NALF1: variants seen among roughly 807,000 people sequenced by gnomAD.
The protein encoded by NALF1 is NALCN channel auxiliary factor 1.
A neutral mutation model predicts 48.4 loss-of-function variants in NALF1; 3 were observed. The ratio of observed to expected loss-of-function variants is 0.06; its 90% CI spans 0.03 to 0.16. NALF1 has a LOEUF of 0.16. Among genes scored for constraint, NALF1 ranks in the 10% least tolerant of loss-of-function variants. The pLI is 1.00. For missense variants in NALF1, 526 were observed against 571.5 expected (o/e 0.92, Z 0.81); for synonymous variants, 262 against 245.7 (o/e 1.07, Z -0.62).
intron 1 of NALF1, among the ~76,000 whole-genome samples, chr13:107,718,707 TACTC>T (rs951307392): frequency 3.3e-5 from 5 of 152,170 alleles, no homozygotes; most frequent in Admixed American, 1.3e-4. Flanking sequence ...TCAATGGACT[TACTC>T]AACAAATACT....
intron 1 of NALF1, among the ~76,000 whole-genome samples, chr13:107,392,235 C>A (rs1883638771): frequency 6.6e-6 from 1 of 152,060 alleles, no homozygotes; most frequent in African/African-American, 2.4e-5. Flanking sequence ...TTTGTGCAAT[C>A]TTCAGAGATT....
At chr13:107,319,085 A>G (rs1882205017) in intron 1 of NALF1, among the ~76,000 whole-genome samples, 1 of 152,048 alleles carries the variant, frequency 6.6e-6, no homozygotes, top group African/African-American at 2.4e-5. Flanking sequence ...GTGCTCAAAG[A>G]TGGAGGCAGG....
rs576491175 is a variant in NALF1 at position 107,373,712 on chromosome 13, C to T, written c.916-162957G>A. On this transcript the variant is annotated intron_variant, in intron 1 of 2. Transcript: ENST00000375915. Reference sequence around the variant, plus strand: ...CCACAAGAGGGCAACACTATCATCTCTTTCTTTTTCTTTTCTTTCTTTCCT... The same window carrying T: ...CCACAAGAGGGCAACACTATCATCTTTTTCTTTTTCTTTTCTTTCTTTCCT... 3.3e-5 allele frequency among the ~76,000 whole-genome samples: 5 copies of T among 152,314 alleles called. No homozygotes were observed. In the South Asian group the frequency reaches 1.0e-3, roughly 32 times the overall value.
chr13:107,465,388 CA>C (rs1194692680), intron 1 of NALF1, among the ~76,000 whole-genome samples: 10 of 151,328 alleles, frequency 6.6e-5, no homozygotes, highest in South Asian at 2.1e-4. Flanking sequence ...AAAGTTTATA[CA>C]ATTTTTTTTA....
intron 1 of NALF1, among the ~76,000 whole-genome samples, chr13:107,836,393 G>A (rs1879889497): frequency 6.6e-6 from 1 of 152,080 alleles, no homozygotes; most frequent in Admixed American, 6.6e-5. Context: ...GATACAAAAG[G>A]CACTTAGGAG....
intron 1 of NALF1, among the ~76,000 whole-genome samples, chr13:107,289,996 G>T (rs1209847777): frequency 6.6e-6 from 1 of 152,084 alleles, no homozygotes; most frequent in Admixed American, 6.6e-5. Context: ...AGGGTGGCAG[G>T]TAACAGGATG....
intron 1 of NALF1, among the ~76,000 whole-genome samples, chr13:107,457,003 T>C (rs757786070): frequency 6.6e-6 from 1 of 152,150 alleles, no homozygotes; most frequent in Non-Finnish European, 1.5e-5. Flanking sequence ...ATGACATTCA[T>C]ATGGCATCTG....
intron 1 of NALF1, among the ~76,000 whole-genome samples, chr13:107,410,846 C>T (rs1883977570): frequency 6.6e-6 from 1 of 152,152 alleles, no homozygotes; most frequent in African/African-American, 2.4e-5. Flanking sequence ...GAGCTACAAC[C>T]TCTGTCTGAA....
chr13:107,466,065 A>T (rs544654240), intron 1 of NALF1: 2 of 152,758 alleles, frequency 1.3e-5, no homozygotes, highest in Admixed American at 1.3e-4. Flanking sequence ...GGTGAAAGGC[A>T]CGTCTCACAT....
chr13:107,856,610 CT>C (rs1880446167), intron 1 of NALF1, among the ~76,000 whole-genome samples: 2 of 151,960 alleles, frequency 1.3e-5, no homozygotes, highest in African/African-American at 4.8e-5. Context: ...GCAAGCTTTC[CT>C]TTTTAAAATC....
chr13:107,492,047 T>G (rs1169195854), intron 1 of NALF1, among the ~76,000 whole-genome samples: 1 of 144,918 alleles, frequency 6.9e-6, no homozygotes, highest in South Asian at 2.3e-4. Context: ...TTTTTGTTTT[T>G]TTTTTTTTTT....
chr13:107,179,686 A>AC (rs1879022490), intron 2 of NALF1, among the ~76,000 whole-genome samples: 1 of 150,420 alleles, frequency 6.6e-6, no homozygotes, highest in African/African-American at 2.5e-5. Flanking sequence ...AAAAAAAAAA[A>AC]CCACAGCAGA....
chr13:107,174,113 G>T (rs1878861888), intron 2 of NALF1, among the ~76,000 whole-genome samples: 1 of 151,842 alleles, frequency 6.6e-6, no homozygotes. Flanking sequence ...TTTGGGGTAC[G>T]CTTATTTGTT....
intron 1 of NALF1, among the ~76,000 whole-genome samples, chr13:107,402,095 C>T (rs563782464): frequency 1.3e-5 from 2 of 150,816 alleles, no homozygotes; most frequent in South Asian, 2.1e-4. Context: ...ATGTCCTTTC[C>T]CTTCTTAGGT....
At position 107,648,110 on chromosome 13, in the gene NALF1, AC is replaced by A. The variant is rs528566828; in HGVS notation, c.915+217571del. On this transcript the variant is annotated intron_variant, in intron 1 of 2. Transcript: ENST00000375915. ...GAGTATACAGACAGTCCCATATGTC[AC>A]CCCCCATACACATCTCCCTTGTTGT... Among the ~76,000 whole-genome samples, 235 of 152,170 alleles carry A rather than the reference AC, an allele frequency of 1.5e-3. 2 individuals carry two copies. Among genetic ancestry groups the A allele is most frequent in the African/African-American group, 5.2e-3 (216 of 41,522 alleles).
chr13:107,376,566 C>T (rs1335712539), intron 1 of NALF1, among the ~76,000 whole-genome samples: 1 of 152,152 alleles, frequency 6.6e-6, no homozygotes, highest in Non-Finnish European at 1.5e-5. Context: ...GGCCAGAAGA[C>T]TCTCTGCAAA....
intron 1 of NALF1, among the ~76,000 whole-genome samples, chr13:107,602,401 C>T (rs955017367): frequency 7.8e-5 from 11 of 141,212 alleles, no homozygotes; most frequent in Admixed American, 5.7e-4. Context: ...TCCAGAGTGT[C>T]TCTGCCACCC....
chr13:107,344,730 A>C (rs1319668010), intron 1 of NALF1, among the ~76,000 whole-genome samples: 2 of 152,188 alleles, frequency 1.3e-5, no homozygotes, highest in Non-Finnish European at 2.9e-5. Flanking sequence ...ATTATATTCA[A>C]TGGTTAAAAA....
At chr13:107,593,357 T>G (rs1206083145) in intron 1 of NALF1, among the ~76,000 whole-genome samples, 2 of 151,966 alleles carry the variant, frequency 1.3e-5, no homozygotes, top group East Asian at 3.9e-4. Context: ...TTAATTTTTA[T>G]GGCTACTTTT....
Sources: allele counts gnomAD v4.1 joint callset (sites outside exome capture counted in the v4.1 genomes callset), GRCh38; gene constraint gnomAD v4.1.1; transcripts MANE v1.5; gene names NCBI Gene and HGNC (gene_info 2026-07-23, HGNC 2026-07-21).